Variants in TANC2 observed in about 807,000 individuals in gnomAD.
The protein encoded by TANC2 is protein TANC2.
Under a neutral mutation model 210.5 loss-of-function variants are expected in TANC2, and 26 were observed. The observed-to-expected ratio is 0.12, with a 90% CI of 0.09 to 0.17. TANC2 has a LOEUF of 0.17. Among genes scored for constraint, TANC2 ranks in the 10% least tolerant of loss-of-function variants. The pLI, the probability that TANC2 is intolerant of heterozygous loss-of-function variation, is 1.00. For synonymous variants in TANC2, 931 were observed against 967.1 expected (o/e 0.96, Z 0.69); for missense variants, 2,129 against 2,608.9 (o/e 0.82, Z 4.01).
At chr17:63,048,881 T>C (rs2035477467) in intron 2 of TANC2, among the ~76,000 whole-genome samples, 1 of 152,174 alleles carries the variant, frequency 6.6e-6, no homozygotes, top group African/African-American at 2.4e-5. Context: ...TGAAATAATC[T>C]GTACAGGAAA....
chr17:63,010,943 A>G (rs1338288632), intron 2 of TANC2, among the ~76,000 whole-genome samples: 1 of 151,982 alleles, frequency 6.6e-6, no homozygotes, highest in East Asian at 1.9e-4. Context: ...TTGGGTTTTT[A>G]TGGAGGCTCC....
chr17:63,153,016 A>G (rs931352607), intron 5 of TANC2: 2 of 152,182 alleles, frequency 1.3e-5, no homozygotes, highest in African/African-American at 4.8e-5. Flanking sequence ...TCCTTTTCTT[A>G]TCTGAAACAA....
chr17:62,991,071 T>C (rs2032836349), intron 1 of TANC2, among the ~76,000 whole-genome samples: 1 of 152,170 alleles, frequency 6.6e-6, no homozygotes, highest in African/African-American at 2.4e-5. Context: ...CGCCTTGGTA[T>C]AGTTGGAATC....
intron 4 of TANC2, among the ~76,000 whole-genome samples, chr17:63,127,687 A>G (rs1032605543): frequency 1.3e-5 from 2 of 152,164 alleles, no homozygotes; most frequent in African/African-American, 4.8e-5. Flanking sequence ...ACTCTGCTTT[A>G]TTTCCAAATC....
At chr17:63,075,386 G>A (rs2036534838) in intron 3 of TANC2, among the ~76,000 whole-genome samples, 2 of 152,140 alleles carry the variant, frequency 1.3e-5, no homozygotes, top group Admixed American at 1.3e-4. Flanking sequence ...CAAAACCAGG[G>A]ATTTCTGTGA....
chr17:63,001,738 G>T (rs2033396878), intron 1 of TANC2, among the ~76,000 whole-genome samples: 1 of 151,908 alleles, frequency 6.6e-6, no homozygotes, highest in African/African-American at 2.4e-5. Flanking sequence ...AGTAGAGACA[G>T]GGTTTCACCA....
chr17:63,238,122 C>G, intron 8 of TANC2, 45 bp downstream of exon 8: 1 of 1,486,044 alleles, frequency 6.7e-7, no homozygotes, highest in Non-Finnish European at 8.9e-7. Context: ...GTTAAATAAT[C>G]ATTTTACTCC....
At chr17:63,271,579 G>A (rs2043708345) in intron 9 of TANC2, among the ~76,000 whole-genome samples, 1 of 151,536 alleles carries the variant, frequency 6.6e-6, no homozygotes, top group East Asian at 1.9e-4. Context: ...CATGGATTAG[G>A]TATTTATCCT....
At chr17:62,980,294 T>A (rs1240247067) in intron 1 of TANC2, among the ~76,000 whole-genome samples, 1 of 152,188 alleles carries the variant, frequency 6.6e-6, no homozygotes, top group African/African-American at 2.4e-5. Flanking sequence ...CTCCCACTAC[T>A]CCAGTCATGT....
At chr17:63,036,520 G>A (rs1305005864) in intron 2 of TANC2, among the ~76,000 whole-genome samples, 1 of 152,162 alleles carries the variant, frequency 6.6e-6, no homozygotes, top group Admixed American at 6.5e-5. Flanking sequence ...TAGCTTTAGA[G>A]TAAGTCTTAA....
At chr17:63,182,518 A>G (rs1326009429) in intron 5 of TANC2, 2 of 251,802 alleles carry the variant, frequency 7.9e-6, no homozygotes, top group Non-Finnish European at 1.6e-5. Flanking sequence ...TTCAACTTCT[A>G]TGAAAACTCA....
chr17:63,160,750 T>G (rs1306309993), intron 5 of TANC2, among the ~76,000 whole-genome samples: 1 of 152,192 alleles, frequency 6.6e-6, no homozygotes, highest in African/African-American at 2.4e-5. Flanking sequence ...GTACATTTCT[T>G]CCAGAAATGT....
intron 2 of TANC2, among the ~76,000 whole-genome samples, chr17:63,048,517 A>G (rs748045466): frequency 2.0e-5 from 3 of 152,306 alleles, no homozygotes; most frequent in Non-Finnish European, 2.9e-5. Flanking sequence ...AGTCTTCTTC[A>G]TACGGCTAGC....
At chr17:63,083,055 T>C (rs1404542099) in intron 3 of TANC2, among the ~76,000 whole-genome samples, 2 of 152,196 alleles carry the variant, frequency 1.3e-5, no homozygotes, top group Non-Finnish European at 2.9e-5. Context: ...TATAGAACAG[T>C]ACCTCTGTTA....
intron 7 of TANC2, among the ~76,000 whole-genome samples, chr17:63,227,382 T>A (rs1306628349): frequency 6.6e-6 from 1 of 152,242 alleles, no homozygotes; most frequent in Non-Finnish European, 1.5e-5. Flanking sequence ...ATACGTTGGC[T>A]GCATAAATGT....
intron 4 of TANC2, among the ~76,000 whole-genome samples, chr17:63,123,458 C>A (rs957662986): frequency 2.0e-5 from 3 of 150,884 alleles, no homozygotes; most frequent in Non-Finnish European, 4.4e-5. Context: ...GCTGGGGAGG[C>A]TGAGGCAGGA....
chr17:63,077,142 G>A (rs945701386), intron 3 of TANC2, among the ~76,000 whole-genome samples: 2 of 152,126 alleles, frequency 1.3e-5, no homozygotes, highest in Non-Finnish European at 2.9e-5. Context: ...TCATGCTTCT[G>A]GGGGGTGGGA....
chr17:63,048,783 C>T (rs2035474379), intron 2 of TANC2, among the ~76,000 whole-genome samples: 1 of 151,996 alleles, frequency 6.6e-6, no homozygotes, highest in Non-Finnish European at 1.5e-5. Flanking sequence ...AACAGACAGA[C>T]ACTAGGGCCT....
chr17:63,390,947 C>T (rs934976793), intron 17 of TANC2: 3 of 152,140 alleles, frequency 2.0e-5, no homozygotes, highest in African/African-American at 7.2e-5. Context: ...TCACTGTGAT[C>T]GAGCTCATCT....
Sources: gnomAD v4.1 joint callset for allele counts (sites outside exome capture counted in the v4.1 genomes callset) on GRCh38, gnomAD v4.1.1 for gene constraint, MANE v1.5 for transcripts, NCBI Gene and HGNC (gene_info 2026-07-23, HGNC 2026-07-21) for gene names.